EIF5B: variants seen among roughly 807,000 people sequenced by gnomAD.
EIF5B encodes the protein eIF-5B.
A neutral mutation model predicts 147.5 loss-of-function variants in EIF5B; 47 were observed. The observed-to-expected ratio is 0.32, with a 90% confidence interval of 0.25 to 0.41. The LOEUF is 0.41. Among genes scored for constraint, EIF5B ranks in the 10% least tolerant of loss-of-function variants. The probability of loss-of-function intolerance (pLI) is 1.00; values close to 1 mark genes in which losing one functional copy is unlikely to be tolerated. For synonymous variants in EIF5B, 455 were observed against 456.2 expected, an observed-to-expected ratio of 1.00 and a Z score of 0.03; for missense variants, 1,064 against 1,413.2, an observed-to-expected ratio of 0.75 and a Z score of 3.96.
In EIF5B at chr2:99,342,944, T is replaced by TTTTC. The variant is rs750690880; in HGVS notation, c.35+5379_35+5382dup. Among the ~76,000 whole-genome samples, 842 of 151,170 alleles carry TTTTC rather than the reference T, an allele frequency of 5.6e-3. 6 individuals carry two copies. Among genetic ancestry groups the TTTTC allele is most frequent in the African/African-American group, 0.012 (477 of 41,230 alleles). On this transcript the variant is annotated intron_variant, in intron 1 of 23. Transcript: ENST00000289371. ...CCACTGTGCCTGGCCTGGGTTGTCT[T>TTTTC]TTTCTTTCTTTCTTTCTTTCTTTCT...
intron 21 of EIF5B, among the ~76,000 whole-genome samples, chr2:99,395,458 C>T (rs569164821): frequency 1.4e-4 from 21 of 152,318 alleles, no homozygotes; most frequent in African/African-American, 4.1e-4. Flanking sequence ...CTTGGCCTCC[C>T]GAGTAGTTGA....
intron 1 of EIF5B, among the ~76,000 whole-genome samples, chr2:99,339,537 T>G (rs1048651047): frequency 2.0e-5 from 3 of 152,126 alleles, no homozygotes; most frequent in Non-Finnish European, 4.4e-5. Flanking sequence ...TATATGTGTT[T>G]TTGTTTTGTT....
chr2:99,376,722 A>G (rs1250395415), intron 10 of EIF5B, 86 bp downstream of exon 10: 3 of 1,477,050 alleles, frequency 2.0e-6, no homozygotes, highest in Non-Finnish European at 2.7e-6. Context: ...GGCTTTGAAC[A>G]GCACTTTATG....
At chr2:99,344,509 T>C (rs1026777619) in intron 1 of EIF5B, among the ~76,000 whole-genome samples, 1 of 151,926 alleles carries the variant, frequency 6.6e-6, no homozygotes, top group Non-Finnish European at 1.5e-5. Context: ...TGATCTCTGC[T>C]CACTGCAACC....
chr2:99,339,764 T>C (rs569225897), intron 1 of EIF5B, among the ~76,000 whole-genome samples: 1 of 152,290 alleles, frequency 6.6e-6, no homozygotes, highest in African/African-American at 2.4e-5. Flanking sequence ...CTGTGTCTTT[T>C]TAGGGAAAAG....
chr2:99,371,931 G>C (rs1407907537), intron 9 of EIF5B, among the ~76,000 whole-genome samples: 2 of 152,132 alleles, frequency 1.3e-5, no homozygotes, highest in African/African-American at 4.8e-5. Flanking sequence ...TCCTCAGAAT[G>C]TTATTTGTAA....
intron 6 of EIF5B, among the ~76,000 whole-genome samples, chr2:99,365,791 C>T (rs942051755): frequency 5.3e-5 from 8 of 151,912 alleles, no homozygotes; most frequent in Admixed American, 4.6e-4. Flanking sequence ...TTATTAGTTC[C>T]CTATTGTCTA....
rs533812612 is a variant in EIF5B at position 99,395,213 on chromosome 2, G to A, written c.3254+330G>A. Among the ~76,000 whole-genome samples the A allele has an allele frequency of 1.3e-4, 20 of 152,322 alleles. No individual in the cohort carries two copies. In the South Asian group the frequency reaches 1.4e-3, roughly 11 times the overall value. On this transcript the variant is annotated intron_variant, in intron 21 of 23. Coordinates refer to ENST00000289371, the MANE Select transcript of EIF5B (RefSeq NM_015904.4). Reference sequence around the variant, plus strand: ...TAACAAAACTTGAGTGAGGAAAACCGGGAAATAAGAGATTCTGTGGGAGAG... The same window carrying A: ...TAACAAAACTTGAGTGAGGAAAACCAGGAAATAAGAGATTCTGTGGGAGAG...
intron 10 of EIF5B, among the ~76,000 whole-genome samples, chr2:99,377,076 C>T (rs1488754395): frequency 1.3e-5 from 2 of 152,074 alleles, no homozygotes; most frequent in Non-Finnish European, 2.9e-5. Context: ...ACCTGATAGA[C>T]TTTCTGTATT....
Position 99,363,551 on chromosome 2 carries a change from A to T in EIF5B, c.920-94A>T, listed in dbSNP as rs371666916. 17 of 1,318,400 alleles carry T rather than the reference A, an allele frequency of 1.3e-5. No individual in the cohort carries two copies. In the African/African-American group the frequency reaches 2.5e-4, roughly 19 times the overall value. 81.7% of individuals were successfully genotyped at this position (1,318,400 alleles called of 1,614,324 possible). A position where few individuals can be genotyped will look rare whatever the true frequency, so the allele number is the denominator to read the frequency against. On this transcript the variant is annotated intron_variant, in intron 4 of 23. Transcript: ENST00000289371. ...CTGCTGCTGGCATCGGCCTTGGCCC[A>T]TTATGGTCCTTGAATTGTGGTTGGG...
intron 1 of EIF5B, among the ~76,000 whole-genome samples, chr2:99,347,597 A>G (rs1477738389): frequency 6.6e-6 from 1 of 152,034 alleles, no homozygotes; most frequent in African/African-American, 2.4e-5. Flanking sequence ...TTTGAGTAGT[A>G]GGATCTAAAT....
At position 99,394,629 on chromosome 2, in the gene EIF5B, T is replaced by C. The variant is rs770048653; in HGVS notation, c.3089+44T>C. The C allele has an allele frequency of 1.1e-5, 17 of 1,612,936 alleles. No individual in the cohort carries two copies. In the African/African-American group the frequency reaches 1.7e-4, roughly 16 times the overall value. On this transcript the variant is annotated intron_variant, in intron 20 of 23. Coordinates refer to ENST00000289371, the MANE Select transcript of EIF5B (RefSeq NM_015904.4). ...TATGAAGGCTTTCATGTTACGTAGC[T>C]ATCTTAAAACTGTCCTATCTTAAAA...
chr2:99,390,733 G>C (rs778555426), intron 17 of EIF5B, 28 bp downstream of exon 17: 1 of 1,585,276 alleles, frequency 6.3e-7, no homozygotes, highest in Non-Finnish European at 8.6e-7. Flanking sequence ...GCATTGACAC[G>C]TGGGGACTTG....
Position 99,400,930 on chromosome 2 carries a change from A to G in EIF5B, c.*1516A>G, listed in dbSNP as rs1296494461. The G allele has an allele frequency of 6.0e-6, 1 of 166,404 alleles. No individual in the cohort carries two copies. Among genetic ancestry groups the G allele is most frequent in the Non-Finnish European group, 1.3e-5 (1 of 77,236 alleles). The allele number at this position is 166,404 out of a possible 1,614,324, so 10.3% of individuals were successfully genotyped here. A position where few individuals can be genotyped will look rare whatever the true frequency, so the allele number is the denominator to read the frequency against. ...GAGTTGAGTTTTTAAGGATTCACAA[A>G]AAGGAGCCTGTACAAAATATACATA... On this transcript the variant is annotated 3_prime_UTR_variant, in exon 24 of 24. Coordinates refer to ENST00000289371, the MANE Select transcript of EIF5B (RefSeq NM_015904.4).
chr2:99,401,052 T>G lies in EIF5B; in HGVS notation c.*1638T>G, dbSNP rs573357957. ...AAATAGAATCTATGCTACAGTAAAA[T>G]AATTAACACAATTATTTACATGCAA... On this transcript the variant is annotated 3_prime_UTR_variant, in exon 24 of 24. Transcript: ENST00000289371. 4 of 388,580 alleles carry G rather than the reference T, an allele frequency of 1.0e-5. No individual in the cohort carries two copies. The East Asian group carries it at 2.0e-4, about 19-fold the overall frequency. 24.1% of individuals were successfully genotyped at this position (388,580 alleles called of 1,614,324 possible).
intron 1 of EIF5B, among the ~76,000 whole-genome samples, chr2:99,348,687 T>G (rs2094278202): frequency 6.6e-6 from 1 of 152,182 alleles, no homozygotes; most frequent in Admixed American, 6.5e-5. Flanking sequence ...GAAGCCAAAG[T>G]AAGTGAAAAA....
chr2:99,397,487 C>CCA (rs146847321), intron 22 of EIF5B: 25,176 of 152,148 alleles, frequency 0.17, 2,602 homozygotes, highest in African/African-American at 0.27. Context: ...GAACAGTCCT[C>CCA]CATTCTTTTT....
intron 1 of EIF5B, among the ~76,000 whole-genome samples, chr2:99,346,592 T>C (rs2094273914): frequency 1.6e-5 from 2 of 124,094 alleles, no homozygotes; most frequent in African/African-American, 6.6e-5. Context: ...TGTATCTCTT[T>C]TTTTTTTTTT....
chr2:99,388,241 G>C (rs751855099), intron 14 of EIF5B, among the ~76,000 whole-genome samples: 1 of 152,076 alleles, frequency 6.6e-6, no homozygotes, highest in Non-Finnish European at 1.5e-5. Flanking sequence ...TATAAATGCA[G>C]TTATGTTTTT....
Sources: allele counts gnomAD v4.1 joint callset (sites outside exome capture counted in the v4.1 genomes callset), GRCh38; gene constraint gnomAD v4.1.1; transcripts MANE v1.5; gene names NCBI Gene and HGNC (gene_info 2026-07-23, HGNC 2026-07-21).